Variants in ADAM12 observed in about 807,000 individuals in gnomAD.
ADAM12 encodes ADAM metallopeptidase domain 12.
In ADAM12, 70 loss-of-function variants were observed where a neutral mutation model predicts 106.4. The observed-to-expected ratio is 0.66, with a 90% confidence interval of 0.54 to 0.80. The LOEUF (loss-of-function observed/expected upper bound fraction) is 0.80, where lower values mean the gene tolerates loss of function less well. Among genes scored for constraint, ADAM12 ranks in the 30% least tolerant of loss-of-function variants. The pLI is 0.00. For missense variants in ADAM12, 1,010 were observed against 1,171.9 expected (o/e 0.86, Z 2.02); for synonymous variants, 420 against 433.5 (o/e 0.97, Z 0.39).
intron 16 of ADAM12, among the ~76,000 whole-genome samples, chr10:126,047,594 T>TA (rs1409847168): frequency 2.6e-5 from 4 of 151,710 alleles, no homozygotes; most frequent in Admixed American, 1.3e-4. Flanking sequence ...GGCTACAGTT[T>TA]AAAAAAAAGG....
rs77510235 is a variant in ADAM12 at position 126,251,174 on chromosome 10, G to A, written c.260+27741C>T. On this transcript the variant is annotated intron_variant, in intron 3 of 22. Transcript: ENST00000448723. ...GCAGACCCTGCTGAGCGTGTCCATCGGTTCTTTTTCCAAGATCCCCAAGTG... is the reference window on the plus strand; with the variant it reads ...GCAGACCCTGCTGAGCGTGTCCATCAGTTCTTTTTCCAAGATCCCCAAGTG... Among the ~76,000 whole-genome samples the A allele has an allele frequency of 9.7e-3, 1,482 of 152,236 alleles. 42 individuals carry two copies. The East Asian group carries it at 0.12, about 12-fold the overall frequency.
intron 3 of ADAM12, among the ~76,000 whole-genome samples, chr10:126,206,530 G>A (rs980893400): frequency 8.5e-5 from 13 of 152,092 alleles, no homozygotes; most frequent in Non-Finnish European, 1.6e-4. Context: ...TCTAGAATGT[G>A]TGTATTCATA....
At chr10:126,054,424 CCAAAAGG>C (rs1343039119) in intron 14 of ADAM12, among the ~76,000 whole-genome samples, 1 of 152,244 alleles carries the variant, frequency 6.6e-6, no homozygotes, top group Non-Finnish European at 1.5e-5. Flanking sequence ...TCTGCGACAT[CCAAAAGG>C]TGTGGCTGAG....
chr10:126,131,539 A>G (rs1281151681), intron 5 of ADAM12, among the ~76,000 whole-genome samples: 1 of 152,190 alleles, frequency 6.6e-6, no homozygotes, highest in Non-Finnish European at 1.5e-5. Context: ...GATCAGGCTT[A>G]GATGAGATCA....
Position 126,211,878 on chromosome 10 carries a change from A to C in ADAM12, c.261-56573T>G, listed in dbSNP as rs866223951. ...GTGAGGGAGACCGCGTGAGTCGATA[A>C]ACACCCTCTGTGCTTCAGTTATTTT... On this transcript the variant is annotated intron_variant, in intron 3 of 22. Coordinates refer to ENST00000448723, the MANE Select transcript of ADAM12 (RefSeq NM_001288973.2). Among the ~76,000 whole-genome samples, 3 of 152,232 alleles carry C rather than the reference A, an allele frequency of 2.0e-5. No individual in the cohort carries two copies. The South Asian group carries it at 6.2e-4, about 32-fold the overall frequency.
intron 3 of ADAM12, among the ~76,000 whole-genome samples, chr10:126,251,451 T>TGGATGGATGGATGGGATGGATG (rs1958745332): frequency 3.6e-5 from 1 of 27,718 alleles, no homozygotes; most frequent in African/African-American, 1.1e-4. Context: ...ATAGGATAGA[T>TGGATGGATGGATGGGATGGATG]GGATGGATGG....
intron 2 of ADAM12, among the ~76,000 whole-genome samples, chr10:126,282,555 A>C (rs114284052): frequency 0.031 from 4,669 of 152,254 alleles, 254 homozygotes; most frequent in African/African-American, 0.11. Context: ...CCTTACAAAA[A>C]TGGCCTCATA....
intron 3 of ADAM12, among the ~76,000 whole-genome samples, chr10:126,225,333 G>A (rs1056146899): frequency 3.3e-5 from 5 of 152,190 alleles, no homozygotes; most frequent in Non-Finnish European, 7.3e-5. Flanking sequence ...ACACACTTGG[G>A]GAGTCAGAGT....
chr10:126,217,204 A>AAATACATTG (rs1292777832), intron 3 of ADAM12, among the ~76,000 whole-genome samples: 1 of 152,200 alleles, frequency 6.6e-6, no homozygotes, highest in African/African-American at 2.4e-5. Flanking sequence ...TGAATGTCCT[A>AAATACATTG]AATACATTGT....
chr10:126,354,913 C>T (rs756111340), intron 1 of ADAM12, among the ~76,000 whole-genome samples: 3 of 151,758 alleles, frequency 2.0e-5, no homozygotes, highest in Non-Finnish European at 2.9e-5. Context: ...GGGAGCTTTT[C>T]ACATATTTAT....
rs78463455 is a variant in ADAM12 at position 126,056,482 on chromosome 10, C to T, written c.1610-6813G>A. Among the ~76,000 whole-genome samples the T allele has an allele frequency of 1.2e-3, 176 of 152,326 alleles. 1 individual carries two copies. In the East Asian group the frequency reaches 0.026, roughly 22 times the overall value. ...AGAATGAAGAAAAGTGGCTAACTCA[C>T]GGGTAGCCCCAATAGATACGATCTT... is the stretch of plus-strand genomic sequence containing the variant. On this transcript the variant is annotated intron_variant, in intron 14 of 22. Coordinates refer to ENST00000448723, the MANE Select transcript of ADAM12 (RefSeq NM_001288973.2).
At chr10:126,161,637 C>T (rs1446955466) in intron 3 of ADAM12, among the ~76,000 whole-genome samples, 1 of 152,232 alleles carries the variant, frequency 6.6e-6, no homozygotes, top group African/African-American at 2.4e-5. Context: ...CGTCCCACAT[C>T]TTTCTCCAGC....
intron 1 of ADAM12, among the ~76,000 whole-genome samples, chr10:126,369,321 A>G (rs1856028982): frequency 1.3e-5 from 2 of 152,230 alleles, no homozygotes; most frequent in Admixed American, 1.3e-4. Context: ...CCAACAGAGA[A>G]TAAGATGGAT....
At chr10:126,323,860 C>T (rs1854196559) in intron 2 of ADAM12, among the ~76,000 whole-genome samples, 1 of 152,214 alleles carries the variant, frequency 6.6e-6, no homozygotes, top group South Asian at 2.1e-4. Flanking sequence ...AGCATTTCTT[C>T]TCCACAGAGC....
In ADAM12 at chr10:126,372,697, CA is replaced by C. The variant is rs550157077; in HGVS notation, c.88+15360del. 7.2e-5 allele frequency among the ~76,000 whole-genome samples: 11 copies of C among 152,326 alleles called. No individual in the cohort carries two copies. In the South Asian group the frequency reaches 2.3e-3, roughly 32 times the overall value. On this transcript the variant is annotated intron_variant, in intron 1 of 22. Coordinates refer to ENST00000448723, the MANE Select transcript of ADAM12 (RefSeq NM_001288973.2). ...TACTAGGAGCTTTTGTGCTTGAAAA[CA>C]GTTGTCTTGATTTAGCTTTACAGAC... is the stretch of plus-strand genomic sequence containing the variant.
At chr10:126,115,507 A>G (rs1342642967) in intron 6 of ADAM12, among the ~76,000 whole-genome samples, 1 of 152,154 alleles carries the variant, frequency 6.6e-6, no homozygotes, top group Non-Finnish European at 1.5e-5. Context: ...GGTTCTCACT[A>G]AAATCTAATG....
rs141366707 is a variant in ADAM12 at position 126,158,852 on chromosome 10, G to A, written c.261-3547C>T. 6.5e-3 allele frequency among the ~76,000 whole-genome samples: 949 copies of A among 146,860 alleles called. 12 individuals are homozygous for A. The highest frequency in any genetic ancestry group is 0.021 in the African/African-American group (832 of 39,718). On this transcript the variant is annotated intron_variant, in intron 3 of 22. Transcript: ENST00000448723. ...CACGGGGAGTAGATGCACAGAGCAC[G>A]GTGGGGAGGGTGCGCAGAGCATGGG... is the stretch of plus-strand genomic sequence containing the variant.
At chr10:126,176,965 T>TAC (rs1295199215) in intron 3 of ADAM12, among the ~76,000 whole-genome samples, 1 of 152,184 alleles carries the variant, frequency 6.6e-6, no homozygotes, top group Non-Finnish European at 1.5e-5. Flanking sequence ...CCTGTTTGTA[T>TAC]ACAGCCATAG....
In ADAM12 at chr10:126,251,758, T is replaced by G. The variant is rs200046587; in HGVS notation, c.260+27157A>C. Among the ~76,000 whole-genome samples the G allele has an allele frequency of 6.3e-3, 924 of 147,412 alleles. No individual in the cohort carries two copies. The East Asian group carries it at 0.079, about 13-fold the overall frequency. On this transcript the variant is annotated intron_variant, in intron 3 of 22. Transcript: ENST00000448723. ...GGATATGATGGATAGATTGGATGGA[T>G]GGATGGGATGATGGGATGAATGGAT...
Sources: gnomAD v4.1 joint callset for allele counts (sites outside exome capture counted in the v4.1 genomes callset) on GRCh38, gnomAD v4.1.1 for gene constraint, MANE v1.5 for transcripts, NCBI Gene and HGNC (gene_info 2026-07-23, HGNC 2026-07-21) for gene names.